Variants in RABGAP1L observed in about 807,000 individuals in gnomAD.
The protein encoded by RABGAP1L is rab GTPase-activating protein 1-like.
A neutral mutation model predicts 137.7 loss-of-function variants in RABGAP1L; 63 were observed. The observed-to-expected ratio is 0.46, with a 90% CI of 0.37 to 0.56. The LOEUF (loss-of-function observed/expected upper bound fraction) is 0.56, where lower values mean the gene tolerates loss of function less well. Among genes scored for constraint, RABGAP1L ranks in the 20% least tolerant of loss-of-function variants. The pLI is 0.00. For synonymous variants in RABGAP1L, 431 were observed against 433.7 expected, an observed-to-expected ratio of 0.99 and a Z score of 0.08; for missense variants, 1,095 against 1,244.0, an observed-to-expected ratio of 0.88 and a Z score of 1.80.
intron 13 of RABGAP1L, among the ~76,000 whole-genome samples, chr1:174,439,542 G>A (rs773949764): frequency 2.6e-5 from 4 of 152,136 alleles, no homozygotes; most frequent in Non-Finnish European, 5.9e-5. Context: ...TTGCTAGATA[G>A]GACTTTTCAA....
intron 14 of RABGAP1L, among the ~76,000 whole-genome samples, chr1:174,651,283 G>A (rs1190697825): frequency 2.6e-5 from 4 of 152,074 alleles, no homozygotes; most frequent in African/African-American, 7.2e-5. Context: ...AATAGGTGTG[G>A]TGTGGTGCTG....
intron 1 of RABGAP1L, among the ~76,000 whole-genome samples, chr1:174,163,302 A>G (rs1277692266): frequency 1.3e-5 from 2 of 152,210 alleles, no homozygotes; most frequent in Non-Finnish European, 2.9e-5. Context: ...AGAGTTAATG[A>G]ATTAAGAAGA....
chr1:174,161,241 TATTA>T (rs1664416913), intron 1 of RABGAP1L, among the ~76,000 whole-genome samples: 3 of 149,770 alleles, frequency 2.0e-5, no homozygotes. Flanking sequence ...TTATTATTAT[TATTA>T]TTATTATTAT....
chr1:174,958,002 A>G, intron 20 of RABGAP1L: 1 of 1,554,022 alleles, frequency 6.4e-7, no homozygotes, highest in Non-Finnish European at 8.7e-7. Context: ...CAAAAATGAA[A>G]CAAAAAGGAA....
At chr1:174,436,644 A>G (rs1047859671) in intron 13 of RABGAP1L, among the ~76,000 whole-genome samples, 1 of 152,144 alleles carries the variant, frequency 6.6e-6, no homozygotes, top group Admixed American at 6.6e-5. Context: ...TGCTGTGCAG[A>G]AGCTCTTTAG....
At chr1:174,878,701 C>T (rs1044756139) in intron 19 of RABGAP1L, among the ~76,000 whole-genome samples, 3 of 151,444 alleles carry the variant, frequency 2.0e-5, no homozygotes, top group Non-Finnish European at 4.4e-5. Context: ...CTTGAAACAA[C>T]AAATTACAAA....
chr1:174,187,978 A>T (rs1666933567), intron 1 of RABGAP1L, among the ~76,000 whole-genome samples: 1 of 152,176 alleles, frequency 6.6e-6, no homozygotes, highest in African/African-American at 2.4e-5. Flanking sequence ...TGGCCTTAAT[A>T]AGGTGTGCTG....
chr1:174,335,626 A>G (rs557271589), intron 11 of RABGAP1L, among the ~76,000 whole-genome samples: 1 of 152,296 alleles, frequency 6.6e-6, no homozygotes, highest in East Asian at 1.9e-4. Context: ...TTAGAGAGCT[A>G]CTTGGTTTTG....
intron 13 of RABGAP1L, among the ~76,000 whole-genome samples, chr1:174,620,423 T>A (rs976717325): frequency 2.3e-4 from 35 of 152,206 alleles, no homozygotes; most frequent in East Asian, 3.9e-4. Context: ...ACAGAAATTA[T>A]AACAAACTGT....
chr1:174,436,951 G>A lies in RABGAP1L; in HGVS notation c.1710+42806G>A, dbSNP rs137898944. Among the ~76,000 whole-genome samples, 1,143 of 152,368 alleles carry A rather than the reference G, an allele frequency of 7.5e-3. 2 individuals carry two copies. Among genetic ancestry groups the A allele is most frequent in the African/African-American group, 0.027 (1,104 of 41,590 alleles). On this transcript the variant is annotated intron_variant, in intron 13 of 25. Transcript: ENST00000681986. ...TGCAGCCACCGCTGCTGATACCCAG[G>A]CAAACAGGGTCTGGAGTGGACCTCC...
chr1:174,501,213 A>G (rs1400972200), intron 13 of RABGAP1L, among the ~76,000 whole-genome samples: 3 of 144,250 alleles, frequency 2.1e-5, no homozygotes, highest in Admixed American at 6.9e-5. Context: ...CACTTTGTTT[A>G]CTCTTTTTTT....
At chr1:174,824,109 G>A (rs1021613930) in intron 19 of RABGAP1L, among the ~76,000 whole-genome samples, 2 of 152,044 alleles carry the variant, frequency 1.3e-5, no homozygotes, top group East Asian at 3.9e-4. Context: ...GGCCAACAGG[G>A]TGAAACCCCG....
In RABGAP1L at chr1:174,872,409, A is replaced by G. The variant is rs563611570; in HGVS notation, c.2340+60449A>G. Among the ~76,000 whole-genome samples the G allele has an allele frequency of 3.3e-5, 5 of 152,198 alleles. No homozygotes were observed. In the East Asian group the frequency reaches 7.7e-4, roughly 24 times the overall value. On this transcript the variant is annotated intron_variant, in intron 19 of 25. Transcript: ENST00000681986. ...TGAAAAGCTTTCTTCTGATATTTCTATGGTTTCTCATTCATATTTTCTCTT... is the reference window on the plus strand; with the variant it reads ...TGAAAAGCTTTCTTCTGATATTTCTGTGGTTTCTCATTCATATTTTCTCTT...
intron 19 of RABGAP1L, among the ~76,000 whole-genome samples, chr1:174,889,856 A>G (rs1442208958): frequency 6.6e-6 from 1 of 152,102 alleles, no homozygotes; most frequent in Non-Finnish European, 1.5e-5. Flanking sequence ...CAGGCTCCCA[A>G]GTAGCTAGGA....
In RABGAP1L at chr1:174,909,041, T is replaced by C. The variant is rs185371114; in HGVS notation, c.2341-48416T>C. 5.9e-4 allele frequency among the ~76,000 whole-genome samples: 89 copies of C among 151,080 alleles called. 2 individuals are homozygous for C. Among genetic ancestry groups the C allele is most frequent in the Admixed American group, 5.7e-3 (86 of 15,210 alleles). On this transcript the variant is annotated intron_variant, in intron 19 of 25. Transcript: ENST00000681986. ...ACAAAAAAAAACCATTAACCAGGTA[T>C]GGTGGTATGCGCCTGTAGTCCCAGC...
At chr1:174,227,420 C>T (rs1670276765) in intron 3 of RABGAP1L, among the ~76,000 whole-genome samples, 1 of 151,392 alleles carries the variant, frequency 6.6e-6, no homozygotes, top group Non-Finnish European at 1.5e-5. Flanking sequence ...CCAGGATGGT[C>T]TCCATCTCTT....
rs568887974 is a variant in RABGAP1L, at chr1:174,571,510, C to T, written c.1711-65865C>T. Among the ~76,000 whole-genome samples, 91 of 152,164 alleles carry T rather than the reference C, an allele frequency of 6.0e-4. No individual in the cohort carries two copies. The South Asian group carries it at 0.018, about 31-fold the overall frequency. On this transcript the variant is annotated intron_variant, in intron 13 of 25. Coordinates refer to ENST00000681986, the MANE Select transcript of RABGAP1L (RefSeq NM_001366446.1). ...GATGTAATTATTACTCATTGCATGC[C>T]TGTACCAAAACATCTCAATTACCCC... is the stretch of plus-strand genomic sequence containing the variant.
intron 19 of RABGAP1L, among the ~76,000 whole-genome samples, chr1:174,902,628 G>T (rs1342944495): frequency 6.6e-6 from 1 of 152,248 alleles, no homozygotes; most frequent in East Asian, 1.9e-4. Flanking sequence ...TGTTGGCATG[G>T]TCTCATGAGG....
chr1:174,616,910 G>A (rs977763733), intron 13 of RABGAP1L, among the ~76,000 whole-genome samples: 1 of 152,124 alleles, frequency 6.6e-6, no homozygotes, highest in Non-Finnish European at 1.5e-5. Context: ...CTTATAATTA[G>A]TAAGGTATGA....
Sources: allele counts gnomAD v4.1 joint callset (sites outside exome capture counted in the v4.1 genomes callset), GRCh38; gene constraint gnomAD v4.1.1; transcripts MANE v1.5; gene names NCBI Gene and HGNC (gene_info 2026-07-23, HGNC 2026-07-21).